The following SEPTIN6 variants were observed in gnomAD, a reference collection of about 807,000 sequenced individuals.
SEPTIN6 encodes the protein septin 6, also known as septin-6.
SEPTIN6 carries 8 observed loss-of-function variants against 33.6 expected under a neutral mutation model. The ratio of observed to expected loss-of-function variants is 0.24; its 90% CI spans 0.14 to 0.43. The LOEUF (loss-of-function observed/expected upper bound fraction) is 0.43, where lower values mean the gene tolerates loss of function less well. SEPTIN6 is among the 20% of genes least tolerant of loss of function. The pLI is 1.00. For missense variants in SEPTIN6, 250 were observed against 340.8 expected (o/e 0.73, Z 2.10); for synonymous variants, 131 against 140.0 (o/e 0.94, Z 0.45).
chrX:119,683,151 G>T (rs1365378173), intron 1 of SEPTIN6, among the ~76,000 whole-genome samples: 8 of 112,678 alleles, frequency 7.1e-5, no homozygotes, highest in Admixed American at 4.7e-4. Flanking sequence ...CAGTTGGGAG[G>T]CTGAGGCAGG....
chrX:119,673,525 A>G (rs753408232), intron 2 of SEPTIN6, among the ~76,000 whole-genome samples: 1 of 110,851 alleles, frequency 9.0e-6, no homozygotes, highest in South Asian at 3.8e-4. Context: ...GGGATAGAGG[A>G]AAAAAAATGA....
intron 1 of SEPTIN6, among the ~76,000 whole-genome samples, chrX:119,679,591 G>A (rs1411619746): frequency 8.9e-6 from 1 of 111,976 alleles, no homozygotes; most frequent in Non-Finnish European, 1.9e-5. Context: ...CGGGAGCAGT[G>A]GCTCACGCCT....
In SEPTIN6 at chrX:119,620,918, G is replaced by A. The variant is rs1453594363; in HGVS notation, c.*42-867C>T. On this transcript the variant is annotated intron_variant, in intron 10 of 10. Transcript: ENST00000394610. ...ATTACTGGCGTGAGGCACTGAGCCC[G>A]GCCTATCTCTTCTTAATGACTAGGT... Among the ~76,000 whole-genome samples, 3 of 110,291 alleles carry A rather than the reference G, an allele frequency of 2.7e-5. No homozygotes were observed. In the East Asian group the frequency reaches 8.5e-4, roughly 31 times the overall value.
At chrX:119,640,633 A>T in intron 6 of SEPTIN6, 59 bp downstream of exon 6, 1 of 960,279 alleles carries the variant, frequency 1.0e-6, no homozygotes, top group Non-Finnish European at 1.5e-6. Flanking sequence ...GCTGGGGACA[A>T]ACAAAGAGAC....
chrX:119,618,841 A>G lies in SEPTIN6; in HGVS notation c.*1252T>C, dbSNP rs2053705238. The G allele has an allele frequency of 2.5e-6, 3 of 1,204,323 alleles. No individual in the cohort carries two copies. The highest frequency in any genetic ancestry group is 1.8e-5 in the South Asian group (1 of 55,615). ...TTAGCCACAGATCATTGCCAGGTCA[A>G]CTCCATCTCTCACACTGTCACTGGC... On this transcript the variant is annotated 3_prime_UTR_variant, in exon 11 of 11. Coordinates refer to ENST00000394610, the MANE Select transcript of SEPTIN6 (RefSeq NM_145799.4).
Position 119,618,871 on chromosome X carries a change from C to T in SEPTIN6, c.*1222G>A. The T allele has an allele frequency of 1.7e-6, 2 of 1,188,058 alleles. No individual in the cohort carries two copies. Among genetic ancestry groups the T allele is most frequent in the Non-Finnish European group, 1.1e-6 (1 of 883,529 alleles). The stretch of plus-strand genomic sequence containing the variant: ...ATCTCTCACACTGTCACTGGCCAAA[C>T]ACCAAAGGCCACTGTGCCTCATAAC... On this transcript the variant is annotated 3_prime_UTR_variant, in exon 11 of 11. Transcript: ENST00000394610.
At chrX:119,663,933 G>C (rs993617678) in intron 2 of SEPTIN6, among the ~76,000 whole-genome samples, 1 of 111,478 alleles carries the variant, frequency 9.0e-6, no homozygotes, top group African/African-American at 3.3e-5. Flanking sequence ...ACTTTTTTCT[G>C]TCATTTGGAA....
intron 1 of SEPTIN6, among the ~76,000 whole-genome samples, chrX:119,681,125 C>T (rs969631020): frequency 2.7e-5 from 3 of 111,012 alleles, no homozygotes; most frequent in Non-Finnish European, 3.8e-5. Flanking sequence ...GAGTTAAATA[C>T]GCAAAGGTAG....
intron 2 of SEPTIN6, among the ~76,000 whole-genome samples, chrX:119,666,845 C>A (rs190539904): frequency 2.7e-4 from 30 of 111,444 alleles, no homozygotes; most frequent in African/African-American, 9.8e-4. Context: ...CTTGGCCAAG[C>A]AGTGGAATGT....
At position 119,633,385 on chromosome X, in the gene SEPTIN6, G is replaced by A. The variant is rs780604408; in HGVS notation, c.1064C>T (p.Ala355Val). The A allele has an allele frequency of 8.3e-6, 10 of 1,209,743 alleles. No homozygotes were observed. Among genetic ancestry groups the A allele is most frequent in the Admixed American group, 2.2e-5 (1 of 45,759 alleles). ...CTCTTTCTCTGCCTCTTTGAGCTCC[G>A]CTTCTTTCTCTTTGACTCGCTGGAC... ...MFVQRVKEKE[A>V]ELKEAEKELH... The change falls in exon 8 of 11, where the codon GCG becomes GTG. Residue 355 changes from alanine (A) to valine (V), a missense_variant. This residue lies in a region of SEPTIN6 where 139 missense variants were observed against 227.0 expected (regional missense o/e 0.61). Coordinates refer to ENST00000394610, the MANE Select transcript of SEPTIN6 (RefSeq NM_145799.4).
In SEPTIN6 at chrX:119,652,972, C is replaced by T. The variant is rs1413945075; in HGVS notation, c.410G>A (p.Arg137Gln). The change falls in exon 4 of 11, where the codon CGA (arginine) becomes CAA (glutamine). Residue 137 changes from arginine to glutamine, a missense_variant. By Grantham distance (43) the Arg-to-Gln change is conservative. Coordinates refer to ENST00000394610, the MANE Select transcript of SEPTIN6 (RefSeq NM_145799.4). ...GTCATGGTAGGTGTGTAGCACTCTTCGGATCTTTAGCTCTTCCTGCAGGTA... is the reference window on the plus strand; with the variant it reads ...GTCATGGTAGGTGTGTAGCACTCTTTGGATCTTTAGCTCTTCCTGCAGGTA... ...EAYLQEELKIRRVLHTYHDSR... is the reference protein window; with the variant it reads ...EAYLQEELKIQRVLHTYHDSR... 1.1e-5 allele frequency: 13 copies of T among 1,207,535 alleles called. No individual in the cohort carries two copies. The highest frequency in any genetic ancestry group is 2.2e-5 in the Admixed American group (1 of 45,421).
intron 10 of SEPTIN6, among the ~76,000 whole-genome samples, 189 bp downstream of exon 10, chrX:119,625,146 G>A (rs1603324832): frequency 2.7e-5 from 3 of 112,100 alleles, no homozygotes; most frequent in Non-Finnish European, 5.6e-5. Context: ...AGGCAGGCAG[G>A]CAGGCATTCC....
At chrX:119,658,725 T>TA (rs1021895143) in intron 3 of SEPTIN6, among the ~76,000 whole-genome samples, 1 of 112,699 alleles carries the variant, frequency 8.9e-6, no homozygotes, top group Non-Finnish European at 1.9e-5. Context: ...ATCTGATGGA[T>TA]AAAAAATATT....
At position 119,623,565 on chromosome X, in the gene SEPTIN6, C is replaced by T. The variant is rs765566204; in HGVS notation, c.*41+1770G>A. On this transcript the variant is annotated intron_variant, in intron 10 of 10. Transcript: ENST00000394610. ...AATAATAATAACCCTTCATCGGGCGCGGTGGCTCACGCCTGTAATCTCAGC... is the reference window on the plus strand; with the variant it reads ...AATAATAATAACCCTTCATCGGGCGTGGTGGCTCACGCCTGTAATCTCAGC... Among the ~76,000 whole-genome samples, 5 of 112,168 alleles carry T rather than the reference C, an allele frequency of 4.5e-5. No homozygotes were observed. In the South Asian group the frequency reaches 1.5e-3, roughly 33 times the overall value.
intron 1 of SEPTIN6, among the ~76,000 whole-genome samples, chrX:119,691,021 G>A (rs1306726790): frequency 9.0e-6 from 1 of 111,284 alleles, no homozygotes; most frequent in Non-Finnish European, 1.9e-5. Context: ...ACAAGGTCTC[G>A]AGTGCTTAGG....
At chrX:119,674,276 C>A (rs2147620465) in intron 2 of SEPTIN6, among the ~76,000 whole-genome samples, 1 of 110,256 alleles carries the variant, frequency 9.1e-6, no homozygotes, top group African/African-American at 3.3e-5. Flanking sequence ...CAGGTTCACG[C>A]CATTCTCCTG....
In SEPTIN6 at chrX:119,618,945, T is replaced by C; in HGVS notation, c.*1148A>G. On this transcript the variant is annotated 3_prime_UTR_variant, in exon 11 of 11. Transcript: ENST00000394610. Reference sequence around the variant, plus strand: ...TTCACAGAGGTTCCCAAAGCCACTATCAGATGGGACCCATGATAAAAACTT... The same window carrying C: ...TTCACAGAGGTTCCCAAAGCCACTACCAGATGGGACCCATGATAAAAACTT... The C allele has an allele frequency of 9.9e-7, 1 of 1,011,620 alleles. No homozygotes were observed. Among genetic ancestry groups the C allele is most frequent in the Non-Finnish European group, 1.3e-6 (1 of 792,435 alleles). The allele number at this position is 1,011,620 out of a possible 1,213,427, so 83.4% of individuals were successfully genotyped here.
At position 119,617,562 on chromosome X, in the gene SEPTIN6, T is replaced by G; in HGVS notation, c.*2531A>C. The stretch of plus-strand genomic sequence containing the variant: ...CCCTCACCCAATCCATCTTCAGATG[T>G]TTTTCTGTGGAAAAAAACCTCGAGG... On this transcript the variant is annotated 3_prime_UTR_variant, in exon 11 of 11. Transcript: ENST00000394610. 7.5e-6 allele frequency: 6 copies of G among 803,448 alleles called. No homozygotes were observed. The highest frequency in any genetic ancestry group is 9.0e-6 in the Non-Finnish European group (6 of 669,503). 66.2% of individuals were successfully genotyped at this position (803,448 alleles called of 1,213,427 possible). A position where few individuals can be genotyped will look rare whatever the true frequency, so the allele number is the denominator to read the frequency against.
rs1463751705 is a variant in SEPTIN6, at chrX:119,680,194, A to ATTTT, written c.31-4530_31-4527dup. Among the ~76,000 whole-genome samples, 20 of 91,678 alleles carry ATTTT rather than the reference A, an allele frequency of 2.2e-4. No homozygotes were observed. In the East Asian group the frequency reaches 6.8e-3, roughly 31 times the overall value. 79.6% of individuals were successfully genotyped at this position (91,678 alleles called of 115,157 possible). A position where few individuals can be genotyped will look rare whatever the true frequency, so the allele number is the denominator to read the frequency against. On this transcript the variant is annotated intron_variant, in intron 1 of 10. Coordinates refer to ENST00000394610, the MANE Select transcript of SEPTIN6 (RefSeq NM_145799.4). Reference sequence around the variant, plus strand: ...CACTCTCCAGAGATAAACACTCTTAATTTTATTTATTTATTTATTTATTTA... The same window carrying ATTTT: ...CACTCTCCAGAGATAAACACTCTTAATTTTTTTTATTTATTTATTTATTTATTTA...
Sources: gnomAD v4.1 joint callset for allele counts (sites outside exome capture counted in the v4.1 genomes callset) on GRCh38, gnomAD v4.1.1 for gene constraint, gnomAD v4.1.1 regional missense constraint, MANE v1.5 for transcripts, NCBI Gene and HGNC (gene_info 2026-07-23, HGNC 2026-07-21) for gene names.